The following GPN2 variants were observed in gnomAD, a reference collection of about 807,000 sequenced individuals.
The protein encoded by GPN2 is GPN-loop GTPase 2.
Under a neutral mutation model 30.1 loss-of-function variants are expected in GPN2, and 27 were observed. The ratio of observed to expected loss-of-function variants is 0.90; its 90% CI spans 0.66 to 1.24. The LOEUF (loss-of-function observed/expected upper bound fraction) is 1.24. Among genes scored for constraint, GPN2 ranks in the 50% most tolerant of loss-of-function variants. The pLI is 0.00. For missense variants in GPN2, 406 were observed against 405.4 expected (o/e 1.00, Z -0.01); for synonymous variants, 212 against 174.4 (o/e 1.22, Z -1.70).
chr1:26,879,349 A>G lies in GPN2; in HGVS notation c.*328T>C. On this transcript the variant is annotated 3_prime_UTR_variant, in exon 5 of 5. Coordinates refer to ENST00000374135, the MANE Select transcript of GPN2 (RefSeq NM_018066.4). The stretch of plus-strand genomic sequence containing the variant: ...TCTTCCCCAAACCCCTGGGCCCGGA[A>G]GACTGAAGAAAAGTTTGGAAGTCAC... 1 of 287,028 alleles carries G rather than the reference A, an allele frequency of 3.5e-6. No homozygotes were observed. The highest frequency in any genetic ancestry group is 6.8e-6 in the Non-Finnish European group (1 of 147,046). 17.8% of individuals were successfully genotyped at this position (287,028 alleles called of 1,614,324 possible).
chr1:26,879,694 C>A lies in GPN2; in HGVS notation c.916G>T (p.Glu306Ter). Residue 306 changes from glutamate (E) to a stop codon, truncating the protein, a stop_gained, in exon 5 of 5, where the codon GAA becomes TAA. Coordinates refer to ENST00000374135, the MANE Select transcript of GPN2 (RefSeq NM_018066.4). LOFTEE classifies it high-confidence loss of function. The part of the protein sequence containing the change: ...LAPSNQSVEQ[E>*]AMQL ...CCTTGTTGCTACAGCTGCATGGCTT[C>A]CTGCTCCACTGACTGGTTCGAGGGT... 1 of 1,613,766 alleles carries A rather than the reference C, an allele frequency of 6.2e-7. No individual in the cohort carries two copies. The highest frequency in any genetic ancestry group is 8.5e-7 in the Non-Finnish European group (1 of 1,179,722).
At position 26,879,366 on chromosome 1, in the gene GPN2, G is replaced by C; in HGVS notation, c.*311C>G. 1 of 321,480 alleles carries C rather than the reference G, an allele frequency of 3.1e-6. No homozygotes were observed. Among genetic ancestry groups the C allele is most frequent in the East Asian group, 5.3e-5 (1 of 19,032 alleles). The allele number at this position is 321,480 out of a possible 1,614,324, so 19.9% of individuals were successfully genotyped here. ...GGCCCGGAAGACTGAAGAAAAGTTT[G>C]GAAGTCACAAAAAGTAGAAAATAAA... On this transcript the variant is annotated 3_prime_UTR_variant, in exon 5 of 5. Transcript: ENST00000374135.
intron 2 of GPN2, among the ~76,000 whole-genome samples, chr1:26,887,155 C>T (rs2081895258): frequency 1.3e-5 from 2 of 152,126 alleles, no homozygotes; most frequent in African/African-American, 4.8e-5. Context: ...TGAATAAATG[C>T]TACATTCTAG....
chr1:26,883,275 C>T (rs2081873445), intron 4 of GPN2, among the ~76,000 whole-genome samples: 1 of 152,000 alleles, frequency 6.6e-6, no homozygotes, highest in Non-Finnish European at 1.5e-5. Context: ...CTGCCTGTAC[C>T]CCTGCAACGC....
At position 26,876,273 on chromosome 1, in the gene GPN2, T is replaced by C. The variant is rs2081837455; in HGVS notation, c.*3404A>G. Reference sequence around the variant, plus strand: ...TCTTGTTACCCAGGCTGGAGTGCAATGGCGCGATCTCCGCTCACTGAAACT... The same window carrying C: ...TCTTGTTACCCAGGCTGGAGTGCAACGGCGCGATCTCCGCTCACTGAAACT... On this transcript the variant is annotated 3_prime_UTR_variant, in exon 5 of 5. Coordinates refer to ENST00000374135, the MANE Select transcript of GPN2 (RefSeq NM_018066.4). The C allele has an allele frequency of 6.7e-6, 1 of 149,600 alleles. No individual in the cohort carries two copies. Among genetic ancestry groups the C allele is most frequent in the South Asian group, 2.3e-4 (1 of 4,428 alleles). The allele number at this position is 149,600 out of a possible 1,614,324, so 9.3% of individuals were successfully genotyped here.
intron 2 of GPN2, among the ~76,000 whole-genome samples, chr1:26,887,863 AT>A (rs564082048): frequency 7.6e-4 from 82 of 107,320 alleles, no homozygotes; most frequent in Admixed American, 9.4e-4. Flanking sequence ...GCCTGGCCTA[AT>A]TTTTTTTTTT....
Position 26,890,040 on chromosome 1 carries a change from G to A in GPN2, c.57C>T (p.Gly19=), listed in dbSNP as rs17850358. 4,273 of 1,588,078 alleles carry A rather than the reference G, an allele frequency of 2.7e-3. 103 individuals are homozygous for A. The African/African-American group carries it at 0.051, about 19-fold the overall frequency. The change falls in exon 1 of 5, where the codon GGC becomes GGT. Residue 19 remains glycine, a synonymous_variant. Transcript: ENST00000374135. The part of the protein sequence containing the change: ...AFGQAVIGPP[G]SGKTTYCLGM... ...CCAGGCAGTACGTGGTCTTCCCTGA[G>A]CCCGGCGGGCCGATCACCGCCTGCC...
intron 3 of GPN2, among the ~76,000 whole-genome samples, chr1:26,884,917 G>A (rs2081883068): frequency 1.3e-5 from 2 of 152,172 alleles, no homozygotes; most frequent in African/African-American, 2.4e-5. Context: ...AGGAGGCAGA[G>A]GTTGCAGTGA....
intron 3 of GPN2, among the ~76,000 whole-genome samples, chr1:26,885,422 A>T (rs2081885471): frequency 6.6e-6 from 1 of 152,018 alleles, no homozygotes; most frequent in South Asian, 2.1e-4. Context: ...CCATTTTCAC[A>T]GAGGACAGAA....
chr1:26,882,289 G>C (rs1471440884), intron 4 of GPN2, among the ~76,000 whole-genome samples: 1 of 151,434 alleles, frequency 6.6e-6, no homozygotes, highest in African/African-American at 2.4e-5. Flanking sequence ...GAGGCTGAGG[G>C]AGGAGAATCA....
At chr1:26,884,082 A>T in intron 4 of GPN2, 78 bp downstream of exon 4, 3 of 1,053,474 alleles carry the variant, frequency 2.8e-6, no homozygotes, top group Non-Finnish European at 4.2e-6. Context: ...CACAAGGTTG[A>T]TGACTGCACC....
In GPN2 at chr1:26,890,085, G is replaced by C; in HGVS notation, c.12C>G (p.Ala4=). MAG[A]APTTAFGQAV... ...CCTGCCCGAAGGCCGTGGTCGGAGC[G>C]GCCCCTGCCATTGGCGGCCCGCGGC... is the stretch of plus-strand genomic sequence containing the variant. The change falls in exon 1 of 5, where the codon GCC becomes GCG. Residue 4 remains alanine, a synonymous_variant. Coordinates refer to ENST00000374135, the MANE Select transcript of GPN2 (RefSeq NM_018066.4). 6.5e-7 allele frequency: 1 copy of C among 1,531,902 alleles called. No individual in the cohort carries two copies. Among genetic ancestry groups the C allele is most frequent in the Non-Finnish European group, 8.7e-7 (1 of 1,146,134 alleles). 94.9% of individuals were successfully genotyped at this position (1,531,902 alleles called of 1,614,324 possible). A position where few individuals can be genotyped will look rare whatever the true frequency, so the allele number is the denominator to read the frequency against.
chr1:26,882,597 T>C (rs1570691301), intron 4 of GPN2, among the ~76,000 whole-genome samples: 1 of 152,190 alleles, frequency 6.6e-6, no homozygotes, highest in African/African-American at 2.4e-5. Flanking sequence ...CTCTATACCC[T>C]AAGACTCCTG....
chr1:26,881,738 A>C (rs1325493016), intron 4 of GPN2, among the ~76,000 whole-genome samples: 2 of 152,132 alleles, frequency 1.3e-5, no homozygotes, highest in Non-Finnish European at 2.9e-5. Flanking sequence ...TGCCTCACAA[A>C]ATAAACAAAC....
At chr1:26,879,773 G>A in intron 4 of GPN2, 24 bp from the exon 5 acceptor site, 1 of 1,571,682 alleles carries the variant, frequency 6.4e-7, no homozygotes, top group Non-Finnish European at 8.8e-7. Flanking sequence ...CGTCAAGGCT[G>A]ATAGCATAGG....
At chr1:26,883,221 TCCACATTCCTTAGTAGGGCACTCAGG>T (rs2124294257) in intron 4 of GPN2, among the ~76,000 whole-genome samples, 1 of 152,210 alleles carries the variant, frequency 6.6e-6, no homozygotes, top group East Asian at 1.9e-4. Flanking sequence ...TGAACTGAAG[TCCACATTCCTTAGTAGGGCACTCAGG>T]CCCCTCCCTC....
At chr1:26,884,425 C>T (rs2081880835) in intron 3 of GPN2, 135 bp from the exon 4 acceptor site, 6 of 784,702 alleles carry the variant, frequency 7.6e-6, no homozygotes, top group Non-Finnish European at 1.2e-5. Context: ...TCTACATGTC[C>T]CCAAAGGCTG....
Position 26,889,711 on chromosome 1 carries a change from G to T in GPN2, c.386C>A (p.Ser129Tyr). 6.3e-7 allele frequency: 1 copy of T among 1,593,604 alleles called. No homozygotes were observed. The highest frequency in any genetic ancestry group is 1.1e-5 in the South Asian group (1 of 89,004). ...THHGALRSIF[S>Y]QMAQWDLRLT... ...CCTGAGGTCCCACTGCGCCATTTGG[G>T]AGAAGATGCTGCGCAAGGCGCCGTG... Residue 129 changes from serine (S) to tyrosine (Y), a missense_variant, in exon 1 of 5, where the codon TCC (serine) becomes TAC (tyrosine). Ser to Tyr is a moderately radical substitution (Grantham distance 144). Transcript: ENST00000374135.
At position 26,877,385 on chromosome 1, in the gene GPN2, T is replaced by C. The variant is rs956066226; in HGVS notation, c.*2292A>G. On this transcript the variant is annotated 3_prime_UTR_variant, in exon 5 of 5. Transcript: ENST00000374135. ...AGCAGTCAGTCCTATTTCAATGCTG[T>C]TTCAGAACAGATGTCCCTAAATTAA... 2.0e-5 allele frequency: 3 copies of C among 152,222 alleles called. No individual in the cohort carries two copies. Among genetic ancestry groups the C allele is most frequent in the Admixed American group, 6.5e-5 (1 of 15,274 alleles). 9.4% of individuals were successfully genotyped at this position (152,222 alleles called of 1,614,324 possible).
Sources: gnomAD v4.1 joint callset for allele counts (sites outside exome capture counted in the v4.1 genomes callset) on GRCh38, gnomAD v4.1.1 for gene constraint, MANE v1.5 for transcripts, NCBI Gene and HGNC (gene_info 2026-07-23, HGNC 2026-07-21) for gene names.